Variants in ADGRA3 observed in about 807,000 individuals in gnomAD.
ADGRA3 encodes G-protein coupled receptor 125.
Under a neutral mutation model 119.8 loss-of-function variants are expected in ADGRA3, and 56 were observed. The observed-to-expected ratio is 0.47, with a 90% confidence interval of 0.38 to 0.58. The LOEUF (loss-of-function observed/expected upper bound fraction) is 0.58. Ranked by LOEUF, ADGRA3 falls within the 20% of genes least tolerant of loss-of-function variation. ADGRA3 has a pLI of 0.00. For missense variants in ADGRA3, 1,516 were observed against 1,649.0 expected, an observed-to-expected ratio of 0.92 and a Z score of 1.40; for synonymous variants, 607 against 623.8, an observed-to-expected ratio of 0.97 and a Z score of 0.40.
chr4:22,446,262 C>T (rs538767111), intron 5 of ADGRA3, among the ~76,000 whole-genome samples: 74 of 152,266 alleles, frequency 4.9e-4, no homozygotes, highest in African/African-American at 1.7e-3. Flanking sequence ...AATTCCTAAG[C>T]ACCACTTTAT....
intron 3 of ADGRA3, 70 bp from the exon 4 acceptor site, chr4:22,455,007 T>G (rs944997761): frequency 9.7e-7 from 1 of 1,035,480 alleles, no homozygotes; most frequent in African/African-American, 1.6e-5. Context: ...GCATTCAGTA[T>G]TCAAGAACAG....
chr4:22,405,153 T>C (rs1162034212), intron 14 of ADGRA3, among the ~76,000 whole-genome samples: 3 of 152,024 alleles, frequency 2.0e-5, no homozygotes, highest in Non-Finnish European at 4.4e-5. Flanking sequence ...AGTAACAATA[T>C]GGGGAGCTGG....
intron 2 of ADGRA3, among the ~76,000 whole-genome samples, chr4:22,463,087 G>A (rs754375457): frequency 1.8e-4 from 28 of 152,276 alleles, no homozygotes; most frequent in Admixed American, 3.3e-4. Context: ...AGTGGCCTCT[G>A]CTCATCTCCC....
intron 14 of ADGRA3, among the ~76,000 whole-genome samples, chr4:22,411,654 T>G (rs931114436): frequency 2.0e-4 from 30 of 152,248 alleles, no homozygotes; most frequent in African/African-American, 7.2e-4. Flanking sequence ...TGTGAACTTA[T>G]AGAAACCAGA....
At chr4:22,442,463 G>A (rs2109072784) in intron 7 of ADGRA3, among the ~76,000 whole-genome samples, 187 bp downstream of exon 7, 1 of 152,062 alleles carries the variant, frequency 6.6e-6, no homozygotes, top group South Asian at 2.1e-4. Flanking sequence ...TTAAAAACTG[G>A]ATGAAAAGAT....
At chr4:22,400,938 G>T (rs568210855) in intron 16 of ADGRA3, among the ~76,000 whole-genome samples, 1 of 152,074 alleles carries the variant, frequency 6.6e-6, no homozygotes, top group East Asian at 1.9e-4. Context: ...GCTGCAAGAA[G>T]ACTATTCACT....
chr4:22,455,004 G>A (rs1717190653), intron 3 of ADGRA3, 67 bp from the exon 4 acceptor site: 2 of 1,108,722 alleles, frequency 1.8e-6, no homozygotes, highest in Middle Eastern at 2.0e-4. Context: ...CATGCATTCA[G>A]TATTCAAGAA....
intron 1 of ADGRA3, among the ~76,000 whole-genome samples, chr4:22,494,352 T>G (rs1469016196): frequency 6.6e-6 from 1 of 151,994 alleles, no homozygotes; most frequent in East Asian, 1.9e-4. Context: ...CCATCCCTTG[T>G]TTAGCATATC....
rs139011225 is a variant in ADGRA3, at chr4:22,500,439, C to G, written c.257+15089G>C. On this transcript the variant is annotated intron_variant, in intron 1 of 18. Transcript: ENST00000334304. The stretch of plus-strand genomic sequence containing the variant: ...AGCATTTGGCACAGCACCTAGAACA[C>G]GATCAACATTCCAACGTTGGTTGTT... Among the ~76,000 whole-genome samples, 654 of 142,554 alleles carry G rather than the reference C, an allele frequency of 4.6e-3. 5 individuals are homozygous for G. The highest frequency in any genetic ancestry group is 2.9e-3 in the Non-Finnish European group (187 of 64,288). 93.5% of individuals were successfully genotyped at this position (142,554 alleles called of 152,430 possible).
At chr4:22,471,146 T>C (rs1717847165) in intron 2 of ADGRA3, among the ~76,000 whole-genome samples, 1 of 152,138 alleles carries the variant, frequency 6.6e-6, no homozygotes, top group South Asian at 2.1e-4. Context: ...AGTGTCTCCC[T>C]CCCAGGGCCA....
At chr4:22,461,388 A>G (rs755511766) in intron 3 of ADGRA3, among the ~76,000 whole-genome samples, 3 of 152,188 alleles carry the variant, frequency 2.0e-5, no homozygotes, top group African/African-American at 7.2e-5. Flanking sequence ...GTAGTCTCCC[A>G]TTCCCAGGTT....
chr4:22,486,751 C>T (rs546609648), intron 1 of ADGRA3, among the ~76,000 whole-genome samples: 3 of 152,110 alleles, frequency 2.0e-5, no homozygotes, highest in Non-Finnish European at 2.9e-5. Context: ...AGGCAAACTC[C>T]GGAATACAAA....
intron 1 of ADGRA3, among the ~76,000 whole-genome samples, chr4:22,479,510 G>C (rs973753081): frequency 6.6e-6 from 1 of 151,868 alleles, no homozygotes; most frequent in Non-Finnish European, 1.5e-5. Flanking sequence ...ATGCTGGAGA[G>C]GATGTGGAGA....
At chr4:22,437,332 T>C (rs1716435649) in intron 8 of ADGRA3, among the ~76,000 whole-genome samples, 1 of 152,210 alleles carries the variant, frequency 6.6e-6, no homozygotes, top group Non-Finnish European at 1.5e-5. Flanking sequence ...AAAGATGTTA[T>C]TATTGCTTCT....
intron 15 of ADGRA3, among the ~76,000 whole-genome samples, chr4:22,402,181 GT>G (rs2109007935): frequency 6.6e-6 from 1 of 152,222 alleles, no homozygotes; most frequent in East Asian, 1.9e-4. Flanking sequence ...CAAAATAAAA[GT>G]TTCTATAGCT....
intron 10 of ADGRA3, among the ~76,000 whole-genome samples, chr4:22,425,440 C>A (rs1231756490): frequency 6.6e-6 from 1 of 152,160 alleles, no homozygotes; most frequent in African/African-American, 2.4e-5. Flanking sequence ...ACTCATACGT[C>A]TCACCTGAGA....
chr4:22,460,813 C>T (rs900387816), intron 3 of ADGRA3, among the ~76,000 whole-genome samples: 7 of 152,194 alleles, frequency 4.6e-5, no homozygotes, highest in Admixed American at 2.6e-4. Context: ...CTATCCTCCC[C>T]ACCCCAAGGG....
At chr4:22,454,298 A>G (rs1717167590) in intron 4 of ADGRA3, among the ~76,000 whole-genome samples, 1 of 152,170 alleles carries the variant, frequency 6.6e-6, no homozygotes, top group African/African-American at 2.4e-5. Flanking sequence ...TATAACTTTG[A>G]GCTACTATTA....
At position 22,441,341 on chromosome 4, in the gene ADGRA3, A is replaced by G. The variant is rs187588403; in HGVS notation, c.920+1309T>C. On this transcript the variant is annotated intron_variant, in intron 7 of 18. Coordinates refer to ENST00000334304, the MANE Select transcript of ADGRA3 (RefSeq NM_145290.4). ...ACAGAGCTAGGAGTTAGTTCAGCCA[A>G]GCTAACTGCCTGACCAAACAAAAGT... is the stretch of plus-strand genomic sequence containing the variant. Among the ~76,000 whole-genome samples the G allele has an allele frequency of 2.7e-3, 412 of 152,318 alleles. 1 individual carries two copies. The highest frequency in any genetic ancestry group is 3.0e-3 in the Non-Finnish European group (201 of 68,028).
Sources: gnomAD v4.1 joint callset for allele counts (sites outside exome capture counted in the v4.1 genomes callset) on GRCh38, gnomAD v4.1.1 for gene constraint, MANE v1.5 for transcripts, NCBI Gene and HGNC (gene_info 2026-07-23, HGNC 2026-07-21) for gene names.